Variants in ABCC6 observed in about 807,000 individuals in gnomAD.
ABCC6 encodes ATP-binding cassette sub-family C member 6.
A neutral mutation model predicts 169.5 loss-of-function variants in ABCC6; 126 were observed. The ratio of observed to expected loss-of-function variants is 0.74; its 90% CI spans 0.64 to 0.86. The LOEUF is 0.86. Ranked by LOEUF, ABCC6 falls within the 40% of genes least tolerant of loss-of-function variation. The pLI is 0.00. For missense variants in ABCC6, 1,733 were observed against 1,927.2 expected (o/e 0.90, Z 1.89); for synonymous variants, 752 against 814.7 (o/e 0.92, Z 1.31).
At chr16:16,153,416 GC>G (rs1187840818) in intron 29 of ABCC6, among the ~76,000 whole-genome samples, 10 of 152,170 alleles carry the variant, frequency 6.6e-5, no homozygotes, top group African/African-American at 2.4e-4. Flanking sequence ...AAGACATCAT[GC>G]TGTGTGAAAT....
At position 16,157,695 on chromosome 16, in the gene ABCC6, C is replaced by T; in HGVS notation, c.3850G>A (p.Gly1284Ser). 1 of 1,613,856 alleles carries T rather than the reference C, an allele frequency of 6.2e-7. No homozygotes were observed. Among genetic ancestry groups the T allele is most frequent in the East Asian group, 2.2e-5 (1 of 44,866 alleles). Residue 1284 changes from glycine (G) to serine (S), a missense_variant, in exon 27 of 31, where the codon GGC becomes AGC. By Grantham distance (56) the Gly-to-Ser change is moderately conservative (BLOSUM62 0). This residue lies in a region of ABCC6 where 1,601 missense variants were observed against 1,635.5 expected (regional missense o/e 0.98). Transcript: ENST00000205557. ...YRPELPLAVQ[G>S]VSFKIHAGEK... ...CCTGCGTGGATCTTGAAGGACACGCCCTGCACAGCCAGCGGGAGCTCAGGT... is the reference window on the plus strand; with the variant it reads ...CCTGCGTGGATCTTGAAGGACACGCTCTGCACAGCCAGCGGGAGCTCAGGT...
rs1161109629 is a variant in ABCC6, at chr16:16,198,157, C to T, written c.1202G>A (p.Arg401Lys). ...CACATCACCCACCGCACTGGCCTTT[C>T]TGGAGCCGCTGGACAGAGCCAGGAC... ...RKVLALSSGSRKASAVGDVVN... is the reference protein window; with the variant it reads ...RKVLALSSGSKKASAVGDVVN... Residue 401 changes from arginine to lysine, a missense_variant, in exon 10 of 31, where the codon AGA becomes AAA. Physicochemically the swap from Arg to Lys is conservative, Grantham distance 26. Around this residue, in one of 5 missense-constraint regions of ABCC6, gnomAD observed 1,601 missense variants for 1,635.5 expected, o/e 0.98. Transcript: ENST00000205557. The T allele has an allele frequency of 1.9e-6, 3 of 1,605,686 alleles. No homozygotes were observed. The highest frequency in any genetic ancestry group is 8.5e-7 in the Non-Finnish European group (1 of 1,175,970).
Position 16,150,678 on chromosome 16 carries a change from C to T in ABCC6, c.4303G>A (p.Gly1435Ser), listed in dbSNP as rs1318741325. 1.9e-6 allele frequency: 3 copies of T among 1,613,766 alleles called. No homozygotes were observed. Among genetic ancestry groups the T allele is most frequent in the Non-Finnish European group, 2.5e-6 (3 of 1,179,952 alleles). The change falls in exon 30 of 31, where the codon GGC (glycine) becomes AGC (serine). Residue 1435 changes from glycine to serine, a missense_variant. Transcript: ENST00000205557. ...LDEATAAVDPGTELQMQAMLG... is the reference protein window; with the variant it reads ...LDEATAAVDPSTELQMQAMLG... ...ATGGCCTGCATCTGCAGCTCCGTGC[C>T]AGGGTCCACGGCAGCAGTAGCCTCG...
In ABCC6 at chr16:16,219,655, C is replaced by G; in HGVS notation, c.373G>C (p.Glu125Gln). The change falls in exon 4 of 31, where the codon GAG becomes CAG. Residue 125 changes from glutamate to glutamine, a missense_variant. Physicochemically the swap from Glu to Gln is conservative, Grantham distance 29. This residue lies in a region of ABCC6 where 17 missense variants were observed against 108.1 expected (regional missense o/e 0.16). Transcript: ENST00000205557. The part of the protein sequence containing the change: ...MSFAVFLIHT[E>Q]RKKGVQSSGV... The stretch of plus-strand genomic sequence containing the variant: ...GATGACTGGACTCCCTTTTTCCTCT[C>G]GGTGTGAATCAGGAACACTGCGAAG... 4 of 1,513,274 alleles carry G rather than the reference C, an allele frequency of 2.6e-6. 1 individual carries two copies. Among genetic ancestry groups the G allele is most frequent in the Middle Eastern group, 2.3e-4 (1 of 4,294 alleles). The allele number at this position is 1,513,274 out of a possible 1,614,324, so 93.7% of individuals were successfully genotyped here. A position where few individuals can be genotyped will look rare whatever the true frequency, so the allele number is the denominator to read the frequency against.
rs2047748862 is a variant in ABCC6, at chr16:16,188,977, G to T, written c.1636-3C>A. The stretch of plus-strand genomic sequence containing the variant: ...ACAGCAAACACCACCAGTGCGACCT[G>T]GGGGGTGGGGGGGACACGTGGGGCA... On this transcript the variant is annotated splice_region_variant and splice_polypyrimidine_tract_variant and intron_variant, in intron 12 of 30. Coordinates refer to ENST00000205557, the MANE Select transcript of ABCC6 (RefSeq NM_001171.6). The T allele has an allele frequency of 6.2e-7, 1 of 1,613,470 alleles. No individual in the cohort carries two copies. Among genetic ancestry groups the T allele is most frequent in the Non-Finnish European group, 8.5e-7 (1 of 1,179,854 alleles).
Position 16,154,873 on chromosome 16 carries a change from C to T in ABCC6, c.4041G>A (p.Gln1347=), listed in dbSNP as rs63751111. The part of the protein sequence containing the change: ...TLRSRISIIP[Q]DPILFPGSLR... ...TGCCCACCCCCTCCACCAGCCTCAC[C>T]TGGGGGATGATGCTGATCCTGGAGC... The change falls in exon 28 of 31, where the codon CAG becomes CAA. Residue 1347 remains glutamine, a splice_region_variant and synonymous_variant. Coordinates refer to ENST00000205557, the MANE Select transcript of ABCC6 (RefSeq NM_001171.6). The T allele has an allele frequency of 3.1e-6, 5 of 1,612,778 alleles. No individual in the cohort carries two copies. Among genetic ancestry groups the T allele is most frequent in the Non-Finnish European group, 4.2e-6 (5 of 1,179,512 alleles).
intron 22 of ABCC6, among the ~76,000 whole-genome samples, chr16:16,166,926 C>A (rs117468349): frequency 1.4e-4 from 20 of 141,894 alleles, no homozygotes; most frequent in Admixed American, 2.8e-4. Flanking sequence ...AACAAAAAAA[C>A]CAAAAAAACC....
At position 16,182,589 on chromosome 16, in the gene ABCC6, C is replaced by T; in HGVS notation, c.2071-1G>A. On this transcript the variant is annotated splice_acceptor_variant, in intron 16 of 30. Coordinates refer to ENST00000205557, the MANE Select transcript of ABCC6 (RefSeq NM_001171.6). LOFTEE classifies it high-confidence loss of function. Reference sequence around the variant, plus strand: ...CCTGGGGCACGTAGGCCACAGCACCCTAAAACACAACTTACTTTGGTCACA... The same window carrying T: ...CCTGGGGCACGTAGGCCACAGCACCTTAAAACACAACTTACTTTGGTCACA... 2 of 1,611,632 alleles carry T rather than the reference C, an allele frequency of 1.2e-6. No individual in the cohort carries two copies.
chr16:16,157,894 C>T, intron 26 of ABCC6, 85 bp from the exon 27 acceptor site: 1 of 1,447,792 alleles, frequency 6.9e-7, no homozygotes, highest in African/African-American at 1.4e-5. Context: ...CTTCAGTTTT[C>T]TCTTCCGCAA....
At chr16:16,220,130 C>T in intron 2 of ABCC6, 183 bp from the exon 3 acceptor site, 1 of 574,238 alleles carries the variant, frequency 1.7e-6, no homozygotes, top group East Asian at 2.9e-5. Flanking sequence ...CAGATCACTC[C>T]TGACCTGTAA....
At position 16,178,960 on chromosome 16, in the gene ABCC6, C is replaced by T; in HGVS notation, c.2253G>A (p.Met751Ile). 6.2e-7 allele frequency: 1 copy of T among 1,612,544 alleles called. No individual in the cohort carries two copies. Among genetic ancestry groups the T allele is most frequent in the African/African-American group, 1.3e-5 (1 of 75,042 alleles). ...GCTGCTTCTGGCCTCCGGAGAGATT[C>T]ATGCCCTGTGGCCACAAAAGGAACA... ...GIHTSIGEQG[M>I]NLSGGQKQRL... The change falls in exon 18 of 31, where the codon ATG (methionine) becomes ATA (isoleucine). Residue 751 changes from methionine to isoleucine, a missense_variant. By Grantham distance (10) the Met-to-Ile change is conservative. Coordinates refer to ENST00000205557, the MANE Select transcript of ABCC6 (RefSeq NM_001171.6).
At chr16:16,158,018 T>G (rs1024138831) in intron 26 of ABCC6, among the ~76,000 whole-genome samples, 9 of 152,222 alleles carry the variant, frequency 5.9e-5, no homozygotes, top group Non-Finnish European at 1.5e-5. Flanking sequence ...GTCTATTTTA[T>G]TGTTATTATT....
chr16:16,203,112 C>CACATT (rs1250926549), intron 8 of ABCC6, among the ~76,000 whole-genome samples: 2 of 152,214 alleles, frequency 1.3e-5, no homozygotes, highest in East Asian at 3.8e-4. Context: ...ATTACTGACC[C>CACATT]ACATTACCAT....
chr16:16,153,981 G>A (rs1301563821), intron 29 of ABCC6, among the ~76,000 whole-genome samples: 1 of 151,170 alleles, frequency 6.6e-6, no homozygotes, highest in Non-Finnish European at 1.5e-5. Context: ...TTTTGTTGTT[G>A]AGACGAAGCC....
intron 14 of ABCC6, among the ~76,000 whole-genome samples, chr16:16,186,863 C>T (rs914109421): frequency 2.6e-5 from 4 of 152,084 alleles, no homozygotes; most frequent in African/African-American, 9.7e-5. Context: ...TTGGGGACCA[C>T]TGTGTTAGAG....
At chr16:16,154,115 A>G (rs971716115) in intron 29 of ABCC6, among the ~76,000 whole-genome samples, 11 of 151,722 alleles carry the variant, frequency 7.3e-5, no homozygotes, top group African/African-American at 4.8e-5. Context: ...ATACCTGGCT[A>G]ATACTGTTGT....
rs1405420109 is a variant in ABCC6 at position 16,175,977 on chromosome 16, G to C, written c.2600C>G (p.Pro867Arg). ...PGDRGEGETE[P>R]GTSTKDPRGT... ...TCTGGGGTCCTTGGTGCTGGTCCCAGGTTCTGTTTCTGCAAGGTCAAGAGA... is the reference window on the plus strand; with the variant it reads ...TCTGGGGTCCTTGGTGCTGGTCCCACGTTCTGTTTCTGCAAGGTCAAGAGA... Residue 867 changes from proline (P) to arginine (R), a missense_variant, in exon 20 of 31, where the codon CCT becomes CGT. Coordinates refer to ENST00000205557, the MANE Select transcript of ABCC6 (RefSeq NM_001171.6). 1.2e-6 allele frequency: 2 copies of C among 1,613,966 alleles called. No homozygotes were observed. Among genetic ancestry groups the C allele is most frequent in the Middle Eastern group, 1.6e-4 (1 of 6,084 alleles).
chr16:16,187,317 TC>T, intron 13 of ABCC6, 106 bp from the exon 14 acceptor site: 1 of 909,442 alleles, frequency 1.1e-6, no homozygotes, highest in East Asian at 2.6e-5. Flanking sequence ...TCTACCAAGC[TC>T]TGTGCATAGG....
intron 21 of ABCC6, among the ~76,000 whole-genome samples, chr16:16,172,588 A>G (rs1460600607): frequency 6.6e-6 from 1 of 152,028 alleles, no homozygotes; most frequent in Non-Finnish European, 1.5e-5. Context: ...ATGAGCATCT[A>G]GGTGGATGAT....
Sources: gnomAD v4.1 joint callset for allele counts (sites outside exome capture counted in the v4.1 genomes callset) on GRCh38, gnomAD v4.1.1 for gene constraint, gnomAD v4.1.1 regional missense constraint, MANE v1.5 for transcripts, NCBI Gene and HGNC (gene_info 2026-07-23, HGNC 2026-07-21) for gene names.